ACTR3C: variants seen among roughly 807,000 people sequenced by gnomAD.
ACTR3C encodes actin related protein 3C.
A neutral mutation model predicts 26.3 loss-of-function variants in ACTR3C; 18 were observed. That is an observed-to-expected ratio of 0.68 (90% CI 0.47 to 1.01). The LOEUF is 1.01. Ranked by LOEUF, ACTR3C falls within the 50% of genes least tolerant of loss-of-function variation. ACTR3C has a pLI of 0.00. For synonymous variants in ACTR3C, 55 were observed against 94.5 expected, an observed-to-expected ratio of 0.58 and a Z score of 2.42; for missense variants, 184 against 250.7, an observed-to-expected ratio of 0.73 and a Z score of 1.80.
the ACTR3C span, among the ~76,000 whole-genome samples, chr7:149,896,795 C>G: frequency 4.6e-5 from 7 of 151,938 alleles, no homozygotes; most frequent in Non-Finnish European, 1.0e-4. Context: ...CGCGGTGGCT[C>G]ACGCCTGTAA....
chr7:150,072,000 G>C, the ACTR3C span, among the ~76,000 whole-genome samples: 1 of 146,476 alleles, frequency 6.8e-6, no homozygotes, highest in Non-Finnish European at 1.5e-5. Flanking sequence ...AAGGAGAGGG[G>C]AAAGGAGGAA....
the ACTR3C span, among the ~76,000 whole-genome samples, chr7:150,060,345 C>T: frequency 6.6e-6 from 1 of 150,564 alleles, no homozygotes; most frequent in South Asian, 2.1e-4. Context: ...TTATTTTGAT[C>T]CAGGTGAATA....
In ACTR3C at chr7:150,274,203, C is replaced by T. The variant is rs1834670015; in HGVS notation, c.564+10550G>A. Among the ~76,000 whole-genome samples, 2 of 152,188 alleles carry T rather than the reference C, an allele frequency of 1.3e-5. No individual in the cohort carries two copies. Among genetic ancestry groups the T allele is most frequent in the African/African-American group, 4.8e-5 (2 of 41,430 alleles). On this transcript the variant is annotated intron_variant, in intron 6 of 7. Transcript: ENST00000683684. The surrounding 1 kb of genome is among the most constrained non-coding windows in gnomAD (Gnocchi z 4.1). The stretch of plus-strand genomic sequence containing the variant: ...AGAGCAGGGTGGTCAGGACGCCTCA[C>T]TAGAAGATGGCATTTATTGCACTTC...
At chr7:150,149,232 A>T in the ACTR3C span, among the ~76,000 whole-genome samples, 6 of 150,804 alleles carry the variant, frequency 4.0e-5, no homozygotes, top group Non-Finnish European at 7.4e-5. Context: ...AGTATATTTT[A>T]GGTATTCTGG....
the ACTR3C span, among the ~76,000 whole-genome samples, chr7:149,958,637 G>A: frequency 6.6e-6 from 1 of 152,214 alleles, no homozygotes; most frequent in Non-Finnish European, 1.5e-5. Flanking sequence ...CTGGAGAAGT[G>A]TGTTTATTGG....
At chr7:149,953,654 C>T in the ACTR3C span, among the ~76,000 whole-genome samples, 1 of 152,296 alleles carries the variant, frequency 6.6e-6, no homozygotes, top group Admixed American at 6.5e-5. Context: ...CAAAACACTC[C>T]GTCTTCGTTG....
At chr7:149,910,104 T>C in the ACTR3C span, among the ~76,000 whole-genome samples, 1 of 149,700 alleles carries the variant, frequency 6.7e-6, no homozygotes, top group African/African-American at 2.5e-5. Flanking sequence ...CCCACATTAG[T>C]GAACTGCAGA....
chr7:149,980,440 T>C, the ACTR3C span, among the ~76,000 whole-genome samples: 429 of 152,342 alleles, frequency 2.8e-3, 14 homozygotes, highest in East Asian at 0.069. Flanking sequence ...AGAACATAAA[T>C]GGTTCCTTTC....
the ACTR3C span, chr7:149,892,161 A>G: frequency 1.6e-6 from 2 of 1,230,562 alleles, no homozygotes; most frequent in Non-Finnish European, 2.2e-6. Flanking sequence ...GAATTCAAAC[A>G]TAAGAATAGA....
At chr7:149,916,983 T>C in the ACTR3C span, among the ~76,000 whole-genome samples, 1 of 152,212 alleles carries the variant, frequency 6.6e-6, no homozygotes, top group South Asian at 2.1e-4. Context: ...AGTCTTACAC[T>C]ACCCCATTTC....
the ACTR3C span, among the ~76,000 whole-genome samples, chr7:150,014,470 A>G: frequency 3.2e-3 from 485 of 151,672 alleles, 4 homozygotes; most frequent in African/African-American, 0.011. Context: ...AAAAAAAAAA[A>G]AAAGAAAGAA....
At chr7:150,207,208 T>C in the ACTR3C span, among the ~76,000 whole-genome samples, 1 of 152,160 alleles carries the variant, frequency 6.6e-6, no homozygotes, top group Non-Finnish European at 1.5e-5. Context: ...TCCTGTTATC[T>C]TTGGCAAGCC....
the ACTR3C span, among the ~76,000 whole-genome samples, chr7:150,046,245 A>AT: frequency 6.0e-5 from 9 of 150,238 alleles, no homozygotes; most frequent in Admixed American, 1.3e-4. Context: ...CACATCCTTC[A>AT]TTCATAAAAC....
At chr7:149,959,229 AC>A in the ACTR3C span, among the ~76,000 whole-genome samples, 360 of 19,562 alleles carry the variant, frequency 0.018, 3 homozygotes, top group Non-Finnish European at 0.048. Flanking sequence ...CTCGCCCCCC[AC>A]CCCCACAATC....
chr7:150,136,787 A>C, the ACTR3C span, among the ~76,000 whole-genome samples: 2 of 152,350 alleles, frequency 1.3e-5, no homozygotes, highest in African/African-American at 4.8e-5. Flanking sequence ...CTCTGCTGCG[A>C]GGGCTCAGCC....
At chr7:150,059,714 C>T in the ACTR3C span, among the ~76,000 whole-genome samples, 1,701 of 152,280 alleles carry the variant, frequency 0.011, 16 homozygotes, top group African/African-American at 0.02. Context: ...ATGCAAAACC[C>T]TGTTGCCCTA....
chr7:150,206,323 T>C, the ACTR3C span, among the ~76,000 whole-genome samples: 1 of 152,142 alleles, frequency 6.6e-6, no homozygotes, highest in African/African-American at 2.4e-5. Context: ...CCCCTGGGAG[T>C]GCTTGTTCAA....
chr7:150,102,282 G>A, the ACTR3C span, among the ~76,000 whole-genome samples: 1 of 151,728 alleles, frequency 6.6e-6, no homozygotes, highest in Non-Finnish European at 1.5e-5. Context: ...ATAGGATGTG[G>A]ATCAACTTTA....
chr7:149,946,485 T>C, the ACTR3C span, among the ~76,000 whole-genome samples: 4 of 152,186 alleles, frequency 2.6e-5, no homozygotes, highest in African/African-American at 9.7e-5. Context: ...GGAGCCCTGG[T>C]ATTTGGTCCC....
Sources: allele counts gnomAD v4.1 joint callset (sites outside exome capture counted in the v4.1 genomes callset), GRCh38; gene constraint gnomAD v4.1.1; non-coding constraint Gnocchi (gnomAD v3.1); transcripts MANE v1.5; gene names NCBI Gene and HGNC (gene_info 2026-07-23, HGNC 2026-07-21).